SPATA13: variants seen among roughly 807,000 people sequenced by gnomAD.
The protein encoded by SPATA13 is spermatogenesis-associated protein 13.
SPATA13 carries 50 observed loss-of-function variants against 104.0 expected under a neutral mutation model. The ratio of observed to expected loss-of-function variants is 0.48; its 90% CI spans 0.38 to 0.61. SPATA13 has a LOEUF of 0.61. Ranked by LOEUF, SPATA13 falls within the 20% of genes least tolerant of loss-of-function variation. The pLI, the probability that SPATA13 is intolerant of heterozygous loss-of-function variation, is 0.00. For missense variants in SPATA13, 1,524 were observed against 1,690.6 expected (o/e 0.90, Z 1.73); for synonymous variants, 606 against 667.5 (o/e 0.91, Z 1.42).
intron 3 of SPATA13, among the ~76,000 whole-genome samples, chr13:24,072,166 G>C (rs1219689324): frequency 6.6e-6 from 1 of 152,194 alleles, no homozygotes; most frequent in Admixed American, 6.5e-5. Flanking sequence ...TGTGTTCTTA[G>C]AATGTAAAAT....
chr13:24,165,282 C>T (rs1214827962), intron 1 of SPATA13, among the ~76,000 whole-genome samples: 4 of 152,172 alleles, frequency 2.6e-5, no homozygotes, highest in African/African-American at 9.7e-5. Context: ...CTGTCTCCCA[C>T]CCCAGCATGC....
intron 3 of SPATA13, among the ~76,000 whole-genome samples, chr13:24,025,433 A>G (rs1877168123): frequency 6.6e-6 from 1 of 152,208 alleles, no homozygotes; most frequent in Non-Finnish European, 1.5e-5. Flanking sequence ...CTTTCCAATG[A>G]ACATTCTATG....
intron 3 of SPATA13, among the ~76,000 whole-genome samples, chr13:24,079,699 C>T (rs536192206): frequency 1.3e-5 from 2 of 152,244 alleles, no homozygotes; most frequent in African/African-American, 4.8e-5. Flanking sequence ...TATCTAAAAT[C>T]TCCCTTGGCA....
At chr13:24,233,147 C>T (rs909175422) in intron 2 of SPATA13, among the ~76,000 whole-genome samples, 1 of 152,118 alleles carries the variant, frequency 6.6e-6, no homozygotes, top group African/African-American at 2.4e-5. Flanking sequence ...TTTCCATATT[C>T]CTCTGGGTTC....
chr13:24,094,327 G>A (rs762348235), intron 3 of SPATA13, among the ~76,000 whole-genome samples: 1 of 152,162 alleles, frequency 6.6e-6, no homozygotes, highest in Non-Finnish European at 1.5e-5. Flanking sequence ...CTTTCCACGG[G>A]TACATTTAGT....
intron 3 of SPATA13, among the ~76,000 whole-genome samples, chr13:24,071,447 A>G (rs954175791): frequency 2.6e-5 from 4 of 152,208 alleles, no homozygotes; most frequent in Non-Finnish European, 4.4e-5. Context: ...AACTCTCATA[A>G]CAACTCTGTG....
chr13:24,037,190 TCG>T, intron 3 of SPATA13, among the ~76,000 whole-genome samples: 1 of 118,926 alleles, frequency 8.4e-6, no homozygotes, highest in East Asian at 2.6e-4. Context: ...ACATCACACA[TCG>T]GGGCCTGTCA....
chr13:24,054,557 AC>A (rs141690505), intron 3 of SPATA13, among the ~76,000 whole-genome samples: 21,435 of 152,150 alleles, frequency 0.14, 1,560 homozygotes, highest in Non-Finnish European at 0.16. Flanking sequence ...GTTTAAATTA[AC>A]TTTGACATGT....
At chr13:24,111,116 C>T (rs1360750987) in intron 3 of SPATA13, among the ~76,000 whole-genome samples, 2 of 151,830 alleles carry the variant, frequency 1.3e-5, no homozygotes, top group East Asian at 3.9e-4. Flanking sequence ...TGCTATGTTG[C>T]CCAGGCTGGT....
chr13:24,120,262 G>T (rs183440001), intron 3 of SPATA13, among the ~76,000 whole-genome samples: 340 of 152,268 alleles, frequency 2.2e-3, no homozygotes, highest in African/African-American at 7.6e-3. Context: ...TGAGAAATTG[G>T]AGTGTAACTA....
chr13:24,251,738 G>T lies in SPATA13; in HGVS notation c.2040G>T (p.Met680Ile), dbSNP rs780869193. ...LLTQPASRPP[M>I]PAHQVPPYKA... is the part of the protein sequence containing the mutation. ...TGCAGCCGGCTTCCAGGCCGCCCAT[G>T]CCTGCTCACCAGGTGCCACCCTACA... Residue 680 changes from methionine to isoleucine, a missense_variant, in exon 4 of 13, where the codon ATG (methionine) becomes ATT (isoleucine). Met to Ile is a conservative substitution (Grantham distance 10). Around this residue, in one of 2 missense-constraint regions of SPATA13, gnomAD observed 1,089 missense variants for 1,135.9 expected, o/e 0.96. Transcript: ENST00000382108. The T allele has an allele frequency of 3.7e-6, 6 of 1,613,978 alleles. No individual in the cohort carries two copies. The Admixed American group carries it at 1.0e-4, about 27-fold the overall frequency.
chr13:24,156,863 G>C (rs1220215222), upstream of SPATA13, among the ~76,000 whole-genome samples: 1 of 152,162 alleles, frequency 6.6e-6, no homozygotes, highest in Non-Finnish European at 1.5e-5. Flanking sequence ...GTTCTCTCCT[G>C]CTCTCTTGGG....
intron 3 of SPATA13, among the ~76,000 whole-genome samples, chr13:24,095,864 G>A (rs912588180): frequency 3.9e-5 from 6 of 152,194 alleles, no homozygotes; most frequent in Non-Finnish European, 8.8e-5. Context: ...CTTGTTTCTG[G>A]TGCCATACCA....
Position 24,223,446 on chromosome 13 carries a change from C to T in SPATA13, c.517C>T (p.Leu173Phe). The change falls in exon 2 of 13, where the codon CTC becomes TTC. Residue 173 changes from leucine (L) to phenylalanine (F), a missense_variant. By Grantham distance (22) the Leu-to-Phe change is conservative. This residue lies in a region of SPATA13 where 1,089 missense variants were observed against 1,135.9 expected (regional missense o/e 0.96). Coordinates refer to ENST00000382108, the MANE Select transcript of SPATA13 (RefSeq NM_001166271.3). Reference sequence around the variant, plus strand: ...AGCACCGGGACCAGCATGTGGTGCCCTCAGGCCAGCAGAGTGGGGCACATT... The same window carrying T: ...AGCACCGGGACCAGCATGTGGTGCCTTCAGGCCAGCAGAGTGGGGCACATT... ...PLAPGPACGA[L>F]RPAEWGTLDG... is the part of the protein sequence containing the mutation. 2 of 1,550,636 alleles carry T rather than the reference C, an allele frequency of 1.3e-6. No individual in the cohort carries two copies. The highest frequency in any genetic ancestry group is 1.7e-6 in the Non-Finnish European group (2 of 1,146,990).
intron 3 of SPATA13, among the ~76,000 whole-genome samples, chr13:24,147,798 C>G (rs1348237357): frequency 2.0e-5 from 3 of 152,194 alleles, no homozygotes; most frequent in Admixed American, 2.0e-4. Flanking sequence ...ATTCTACTTT[C>G]CTTTTCTGAG....
chr13:24,026,568 A>G lies in SPATA13; in HGVS notation c.-112+8867A>G, dbSNP rs1449022923. Among the ~76,000 whole-genome samples the G allele has an allele frequency of 3.3e-5, 5 of 152,072 alleles. No homozygotes were observed. In the East Asian group the frequency reaches 9.7e-4, roughly 29 times the overall value. ...ATTGGATACAAACTGCTGTTTATTT[A>G]TTTGTTTATTTTTTATTTTTATTTT... On this transcript the variant is annotated intron_variant, in intron 3 of 14. Transcript: ENST00000424834.
chr13:24,113,868 C>CAAAAAAAAAAAAAAA (rs958434459), intron 3 of SPATA13, among the ~76,000 whole-genome samples: 2 of 56,188 alleles, frequency 3.6e-5, no homozygotes, highest in South Asian at 8.8e-4. Context: ...GACTCGATCT[C>CAAAAAAAAAAAAAAA]AAAAAAAAAA....
At chr13:24,168,923 C>G (rs1882849322) in intron 1 of SPATA13, among the ~76,000 whole-genome samples, 1 of 152,130 alleles carries the variant, frequency 6.6e-6, no homozygotes, top group East Asian at 1.9e-4. Context: ...GTATGTTTTA[C>G]CATCTACCAG....
At chr13:24,029,363 AT>A (rs112537229) in intron 3 of SPATA13, among the ~76,000 whole-genome samples, 19,362 of 152,128 alleles carry the variant, frequency 0.13, 1,744 homozygotes, top group East Asian at 0.52. Context: ...TTTAGCTTAC[AT>A]TTTTTTAGAC....
Sources: allele counts gnomAD v4.1 joint callset (sites outside exome capture counted in the v4.1 genomes callset), GRCh38; gene constraint gnomAD v4.1.1; regional missense constraint gnomAD v4.1.1; transcripts MANE v1.5; gene names NCBI Gene and HGNC (gene_info 2026-07-23, HGNC 2026-07-21).